Variants in DLGAP2 observed in about 807,000 individuals in gnomAD.
DLGAP2 encodes the protein DLG associated protein 2.
A neutral mutation model predicts 100.3 loss-of-function variants in DLGAP2; 26 were observed. That is an observed-to-expected ratio of 0.26 (90% CI 0.19 to 0.36). DLGAP2 has a LOEUF of 0.36. Among genes scored for constraint, DLGAP2 ranks in the 10% least tolerant of loss-of-function variants. The pLI is 1.00. For missense variants in DLGAP2, 1,858 were observed against 1,453.2 expected (o/e 1.28, Z -4.53); for synonymous variants, 886 against 630.1 (o/e 1.41, Z -6.08).
At chr8:768,999 C>T (rs1437849582) in intron 1 of DLGAP2, among the ~76,000 whole-genome samples, 3 of 152,002 alleles carry the variant, frequency 2.0e-5, no homozygotes, top group African/African-American at 7.2e-5. Flanking sequence ...ATGGCTGCAG[C>T]TTCCCAGAGG....
rs868247976 is a variant in DLGAP2 at position 908,096 on chromosome 8, C to T, written c.73+130C>T. On this transcript the variant is annotated intron_variant, in intron 2 of 14. Coordinates refer to ENST00000637795, the MANE Select transcript of DLGAP2 (RefSeq NM_001346810.2). Reference sequence around the variant, plus strand: ...GTGGGTTGTTTTTAGTGCAAGATTGCGTATTAACTAACTGTAAGACCTGAA... The same window carrying T: ...GTGGGTTGTTTTTAGTGCAAGATTGTGTATTAACTAACTGTAAGACCTGAA... 1.3e-5 allele frequency: 5 copies of T among 391,132 alleles called. No homozygotes were observed. The South Asian group carries it at 5.7e-4, about 45-fold the overall frequency. 24.2% of individuals were successfully genotyped at this position (391,132 alleles called of 1,614,324 possible). A position where few individuals can be genotyped will look rare whatever the true frequency, so the allele number is the denominator to read the frequency against.
intron 6 of DLGAP2, among the ~76,000 whole-genome samples, chr8:1,606,249 C>T (rs934858371): frequency 1.3e-5 from 2 of 152,144 alleles, no homozygotes; most frequent in African/African-American, 4.8e-5. Context: ...TCTTATTTTC[C>T]TCCTTTATTG....
intron 2 of DLGAP2, among the ~76,000 whole-genome samples, chr8:1,241,567 G>C (rs570333096): frequency 2.6e-5 from 4 of 152,238 alleles, no homozygotes; most frequent in Non-Finnish European, 4.4e-5. Flanking sequence ...CTTTGATCCA[G>C]TTCTCTCCTG....
intron 6 of DLGAP2, chr8:1,619,915 C>G (rs1797272660): frequency 6.6e-6 from 1 of 152,208 alleles, no homozygotes; most frequent in Non-Finnish European, 1.5e-5. Context: ...ATTTCACGGC[C>G]AAGCACACTG....
intron 6 of DLGAP2, among the ~76,000 whole-genome samples, chr8:1,605,369 T>G (rs1002849677): frequency 4.6e-5 from 7 of 152,016 alleles, no homozygotes; most frequent in African/African-American, 1.7e-4. Flanking sequence ...GCTCTCAGAG[T>G]GCGTGCCTCT....
chr8:1,405,332 T>C (rs1236632009), intron 3 of DLGAP2, among the ~76,000 whole-genome samples: 260 of 12,550 alleles, frequency 0.021, 55 homozygotes, highest in African/African-American at 0.072. Context: ...TACTGAGCGC[T>C]CCCTCATCGT....
At chr8:1,587,070 C>T (rs931719109) in intron 6 of DLGAP2, among the ~76,000 whole-genome samples, 1 of 152,216 alleles carries the variant, frequency 6.6e-6, no homozygotes, top group African/African-American at 2.4e-5. Flanking sequence ...CAGACACTGG[C>T]TTATTGCCTG....
Position 973,377 on chromosome 8 carries a change from G to A in DLGAP2, c.73+65411G>A, listed in dbSNP as rs572037107. On this transcript the variant is annotated intron_variant, in intron 2 of 14. Coordinates refer to ENST00000637795, the MANE Select transcript of DLGAP2 (RefSeq NM_001346810.2). ...CAGACGGGGTGGCTGCCGGGCGGAGGGGCTCCTCACTTCTCAGACGGGGCG... is the reference window on the plus strand; with the variant it reads ...CAGACGGGGTGGCTGCCGGGCGGAGAGGCTCCTCACTTCTCAGACGGGGCG... Among the ~76,000 whole-genome samples the A allele has an allele frequency of 4.3e-4, 66 of 151,818 alleles. No individual in the cohort carries two copies. The East Asian group carries it at 0.012, about 27-fold the overall frequency.
In DLGAP2 at chr8:1,565,753, G is replaced by C; in HGVS notation, c.1301G>C (p.Arg434Thr). 6.2e-7 allele frequency: 1 copy of C among 1,613,912 alleles called. No homozygotes were observed. The highest frequency in any genetic ancestry group is 8.5e-7 in the Non-Finnish European group (1 of 1,179,856). Residue 434 changes from arginine (R) to threonine (T), a missense_variant, in exon 6 of 15, where the codon AGA (arginine) becomes ACA (threonine). Coordinates refer to ENST00000637795, the MANE Select transcript of DLGAP2 (RefSeq NM_001346810.2). ...GAGGAGATTCCCTGCAGGAGAATGA[G>C]AAGTGGGAGTTACATTAAAGCCATG... ...KDEEIPCRRM[R>T]SGSYIKAMGD...
At chr8:1,272,633 C>T (rs1310181603) in intron 3 of DLGAP2, among the ~76,000 whole-genome samples, 1 of 152,100 alleles carries the variant, frequency 6.6e-6, no homozygotes, top group Non-Finnish European at 1.5e-5. Flanking sequence ...AGGGAATAAT[C>T]AAGTGTGAAG....
chr8:1,574,170 A>G (rs1202925033), intron 6 of DLGAP2, among the ~76,000 whole-genome samples: 1 of 152,148 alleles, frequency 6.6e-6, no homozygotes, highest in Non-Finnish European at 1.5e-5. Flanking sequence ...TAGTAACACT[A>G]TTTCATGTTG....
intron 2 of DLGAP2, among the ~76,000 whole-genome samples, chr8:1,121,308 C>G (rs1796041187): frequency 1.3e-5 from 2 of 151,792 alleles, no homozygotes; most frequent in East Asian, 1.9e-4. Context: ...CATGGCCACC[C>G]ATCCTCGTCC....
intron 2 of DLGAP2, among the ~76,000 whole-genome samples, chr8:1,244,241 C>T (rs1364467407): frequency 6.6e-6 from 1 of 152,218 alleles, no homozygotes; most frequent in African/African-American, 2.4e-5. Flanking sequence ...CTTCATTTTG[C>T]ACCCTAGTGC....
intron 10 of DLGAP2, among the ~76,000 whole-genome samples, chr8:1,670,688 G>GA (rs538060235): frequency 8.6e-5 from 13 of 151,260 alleles, no homozygotes; most frequent in South Asian, 6.3e-4. Context: ...ATGGCAGTAA[G>GA]AAAAAAAAAC....
chr8:1,690,522 TG>T (rs1466860901), intron 12 of DLGAP2, among the ~76,000 whole-genome samples: 1 of 148,264 alleles, frequency 6.7e-6, no homozygotes, highest in Non-Finnish European at 1.5e-5. Flanking sequence ...CTGACCAACA[TG>T]GAAAAACCCC....
At chr8:919,411 T>C (rs1489407043) in intron 2 of DLGAP2, among the ~76,000 whole-genome samples, 1 of 152,152 alleles carries the variant, frequency 6.6e-6, no homozygotes, top group Non-Finnish European at 1.5e-5. Context: ...TTGGGCAGCG[T>C]GAGTGGGGAA....
At chr8:1,646,352 C>G (rs1444500130) in intron 8 of DLGAP2, among the ~76,000 whole-genome samples, 1 of 152,128 alleles carries the variant, frequency 6.6e-6, no homozygotes, top group Non-Finnish European at 1.5e-5. Flanking sequence ...ATTCCTTATC[C>G]TCTTTCTCTG....
chr8:752,466 G>A (rs1254644537), intron 1 of DLGAP2, among the ~76,000 whole-genome samples: 2 of 152,192 alleles, frequency 1.3e-5, no homozygotes, highest in African/African-American at 2.4e-5. Context: ...AATCTCGGTC[G>A]TGCCGCCAGG....
At chr8:1,031,878 C>T (rs1028499665) in intron 2 of DLGAP2, among the ~76,000 whole-genome samples, 4 of 152,178 alleles carry the variant, frequency 2.6e-5, no homozygotes, top group African/African-American at 9.7e-5. Context: ...TCACCTGTGG[C>T]CACCATAAGT....
Sources: allele counts gnomAD v4.1 joint callset (sites outside exome capture counted in the v4.1 genomes callset), GRCh38; gene constraint gnomAD v4.1.1; transcripts MANE v1.5; gene names NCBI Gene and HGNC (gene_info 2026-07-23, HGNC 2026-07-21).